The following CTC1 variants were observed in gnomAD, a reference collection of about 807,000 sequenced individuals.
CTC1 encodes the protein CST telomere replication complex component 1.
CTC1 carries 91 observed loss-of-function variants against 136.3 expected under a neutral mutation model. The observed-to-expected ratio is 0.67, with a 90% CI of 0.56 to 0.79. The LOEUF (loss-of-function observed/expected upper bound fraction) is 0.79, where lower values mean the gene tolerates loss of function less well. Ranked by LOEUF, CTC1 falls within the 30% of genes least tolerant of loss-of-function variation. The probability of loss-of-function intolerance (pLI) is 0.00; values close to 1 mark genes in which losing one functional copy is unlikely to be tolerated. For synonymous variants in CTC1, 606 were observed against 613.8 expected, an observed-to-expected ratio of 0.99 and a Z score of 0.19; for missense variants, 1,432 against 1,498.1, an observed-to-expected ratio of 0.96 and a Z score of 0.73.
At position 8,232,147 on chromosome 17, in the gene CTC1, G is replaced by A. The variant is rs547897675; in HGVS notation, c.2141C>T (p.Thr714Ile). The stretch of plus-strand genomic sequence containing the variant: ...TGGGCCGGTGGGATCTGTCTGAGGT[G>A]TTGAGGGTGTTGCTGAATGAAGGCA... ...RPCLHSATPS[T>I]PQTDPTGPEG... The change falls in exon 13 of 23, where the codon ACA (threonine) becomes ATA (isoleucine). Residue 714 changes from threonine to isoleucine, a missense_variant. Coordinates refer to ENST00000651323, the MANE Select transcript of CTC1 (RefSeq NM_025099.6). 3.3e-6 allele frequency: 5 copies of A among 1,524,956 alleles called. No homozygotes were observed. In the African/African-American group the frequency reaches 5.6e-5, roughly 17 times the overall value. 94.5% of individuals were successfully genotyped at this position (1,524,956 alleles called of 1,614,324 possible).
At chr17:8,238,772 T>A in intron 2 of CTC1, 143 bp from the exon 3 acceptor site, 1 of 608,494 alleles carries the variant, frequency 1.6e-6, no homozygotes, top group Non-Finnish European at 2.8e-6. Context: ...ATTAAAGGGG[T>A]AAAACCTGGG....
In CTC1 at chr17:8,238,538, G is replaced by T; in HGVS notation, c.289C>A (p.Gln97Lys). ...GGGTTCCCATTTGGTCCAGCCTCTT[G>T]GGCCCAGGCCTGGTATGCACTACTG... The part of the protein sequence containing the change: ...WSSSAYQAWA[Q>K]EAGPNGNPLP... The change falls in exon 3 of 23, where the codon CAA (glutamine) becomes AAA (lysine). Residue 97 changes from glutamine (Q) to lysine (K), a missense_variant. Gln to Lys is a moderately conservative substitution (Grantham distance 53). Coordinates refer to ENST00000651323, the MANE Select transcript of CTC1 (RefSeq NM_025099.6). The T allele has an allele frequency of 1.9e-6, 3 of 1,614,190 alleles. No individual in the cohort carries two copies. The highest frequency in any genetic ancestry group is 2.5e-6 in the Non-Finnish European group (3 of 1,180,026).
At chr17:8,233,184 G>A in intron 10 of CTC1, 152 bp from the exon 11 acceptor site, 2 of 774,896 alleles carry the variant, frequency 2.6e-6, no homozygotes, top group East Asian at 2.7e-5. Context: ...AAGTGGGGAA[G>A]ACAGACATAA....
chr17:8,229,478 TCAAGATAA>T (rs753894461), intron 18 of CTC1, 32 bp from the exon 19 acceptor site: 11 of 1,599,438 alleles, frequency 6.9e-6, no homozygotes, highest in Non-Finnish European at 7.7e-6. Flanking sequence ...GAGACAGGGG[TCAAGATAA>T]CAGAACAGGC....
chr17:8,245,040 C>T lies in CTC1; in HGVS notation c.34-1892G>A, dbSNP rs140833028. On this transcript the variant is annotated intron_variant, in intron 1 of 22. Coordinates refer to ENST00000651323, the MANE Select transcript of CTC1 (RefSeq NM_025099.6). ...GACCATTATCCTTAGCAAACTAATC[C>T]AAGAACAGAAAACCAAATACTGCAT... Among the ~76,000 whole-genome samples, 328 of 152,232 alleles carry T rather than the reference C, an allele frequency of 2.2e-3. 1 individual carries two copies. The highest frequency in any genetic ancestry group is 7.5e-3 in the African/African-American group (311 of 41,532).
intron 21 of CTC1, 24 bp downstream of exon 21, chr17:8,228,703 C>A: frequency 6.2e-7 from 1 of 1,613,918 alleles, no homozygotes; most frequent in Non-Finnish European, 8.5e-7. Flanking sequence ...GTATCCGAGT[C>A]CCTCCCTCCC....
At chr17:8,233,929 C>T (rs887623576) in intron 10 of CTC1, among the ~76,000 whole-genome samples, 1 of 152,110 alleles carries the variant, frequency 6.6e-6, no homozygotes, top group African/African-American at 2.4e-5. Flanking sequence ...AGAGCAAGAT[C>T]CTGTCTCGAA....
Position 8,243,060 on chromosome 17 carries a change from A to G in CTC1, c.122T>C (p.Leu41Ser). The change falls in exon 2 of 23, where the codon TTG becomes TCG. Residue 41 changes from leucine to serine, a missense_variant. Leu to Ser is a moderately radical substitution (Grantham distance 145, BLOSUM62 -2). Coordinates refer to ENST00000651323, the MANE Select transcript of CTC1 (RefSeq NM_025099.6). Reference protein sequence around the residue: ...VKEPNVQLTPLVIDCVKTVWL... With the variant: ...VKEPNVQLTPSVIDCVKTVWL... ...GACAGTCTTCACACAATCAATTACCAATGGAGTCAACTGGACATTAGGCTC... is the reference window on the plus strand; with the variant it reads ...GACAGTCTTCACACAATCAATTACCGATGGAGTCAACTGGACATTAGGCTC... 1 of 1,613,946 alleles carries G rather than the reference A, an allele frequency of 6.2e-7. No individual in the cohort carries two copies. Among genetic ancestry groups the G allele is most frequent in the South Asian group, 1.1e-5 (1 of 91,034 alleles).
chr17:8,242,149 CCT>C (rs1270718048), intron 2 of CTC1, among the ~76,000 whole-genome samples: 19 of 152,006 alleles, frequency 1.2e-4, no homozygotes, highest in Non-Finnish European at 2.4e-4. Context: ...CCTGCCTCAG[CCT>C]CTGAGTAGCT....
At position 8,228,862 on chromosome 17, in the gene CTC1, G is replaced by A. The variant is rs770791985; in HGVS notation, c.3252C>T (p.Ala1084=). The A allele has an allele frequency of 7.4e-6, 12 of 1,613,738 alleles. No homozygotes were observed. Among genetic ancestry groups the A allele is most frequent in the East Asian group, 4.5e-5 (2 of 44,874 alleles). ...CATGGTGATTCCTACAGGTCACCAC[G>A]GCTTCGGCAGTCCCATCCTCCACCA... ...RLLVEDGTAE[A]VVTCRNHHVA... Residue 1084 remains alanine (A), a synonymous_variant, in exon 21 of 23, where the codon GCC becomes GCT. Coordinates refer to ENST00000651323, the MANE Select transcript of CTC1 (RefSeq NM_025099.6).
rs952574848 is a variant in CTC1 at position 8,228,525 on chromosome 17, T to C, written c.3492A>G (p.Lys1164=). Residue 1164 remains lysine (K), a synonymous_variant, in exon 22 of 23, where the codon AAA becomes AAG. Coordinates refer to ENST00000651323, the MANE Select transcript of CTC1 (RefSeq NM_025099.6). ...PIVLSFELER[K]PSKIVPLEPP... is the part of the protein sequence containing the mutation. ...TACCTAATGGGACGATCTTCGACGGTTTCCTTTCCAGCTCAAAAGAAAGCA... is the reference window on the plus strand; with the variant it reads ...TACCTAATGGGACGATCTTCGACGGCTTCCTTTCCAGCTCAAAAGAAAGCA... 1 of 1,614,066 alleles carries C rather than the reference T, an allele frequency of 6.2e-7. No homozygotes were observed. The highest frequency in any genetic ancestry group is 8.5e-7 in the Non-Finnish European group (1 of 1,179,988).
Position 8,231,784 on chromosome 17 carries a change from C to G in CTC1, c.2417G>C (p.Arg806Pro). 3 of 1,614,156 alleles carry G rather than the reference C, an allele frequency of 1.9e-6. No individual in the cohort carries two copies. The highest frequency in any genetic ancestry group is 2.5e-6 in the Non-Finnish European group (3 of 1,180,018). ...TCCCGGGTGCAAGAACTCAAACCAG[C>G]GGACTGAAGAGCCAAAGAAAATGAG... ...VHLIFFGSSV[R>P]WFEFLHPGQV... The change falls in exon 14 of 23, where the codon CGC (arginine) becomes CCC (proline). Residue 806 changes from arginine (R) to proline (P), a missense_variant. Transcript: ENST00000651323.
rs1184417788 is a variant in CTC1, at chr17:8,231,604, TG to T, written c.2475+121del. The stretch of plus-strand genomic sequence containing the variant: ...GTGTCAACACACACAGGCTTTCTGG[TG>T]TATCTAAATCCAGCCTTCTTCCAGG... On this transcript the variant is annotated intron_variant, in intron 14 of 22. Coordinates refer to ENST00000651323, the MANE Select transcript of CTC1 (RefSeq NM_025099.6). The T allele has an allele frequency of 1.8e-5, 22 of 1,221,836 alleles. No individual in the cohort carries two copies. The Admixed American group carries it at 4.0e-4, about 22-fold the overall frequency. The allele number at this position is 1,221,836 out of a possible 1,614,324, so 75.7% of individuals were successfully genotyped here. A position where few individuals can be genotyped will look rare whatever the true frequency, so the allele number is the denominator to read the frequency against.
intron 11 of CTC1, 177 bp from the exon 12 acceptor site, chr17:8,232,652 G>GA (rs1987345922): frequency 6.0e-6 from 4 of 668,000 alleles, no homozygotes; most frequent in Non-Finnish European, 7.8e-6. Context: ...TCCAAACTAA[G>GA]AATGTAGGAG....
chr17:8,242,533 GAAAAAAAAA>G lies in CTC1; in HGVS notation c.197+443_197+451del, dbSNP rs58895309. Among the ~76,000 whole-genome samples the G allele has an allele frequency of 7.2e-5, 6 of 83,856 alleles. 1 individual carries two copies. The highest frequency in any genetic ancestry group is 5.1e-5 in the African/African-American group (1 of 19,484). The allele number at this position is 83,856 out of a possible 152,430, so 55.0% of individuals were successfully genotyped here. Reference sequence around the variant, plus strand: ...ACTTTTGGAAATGATAGTGTAGAGAGAAAAAAAAAAAAAAAAAAAAATATATATATATAT... The same window carrying G: ...ACTTTTGGAAATGATAGTGTAGAGAGAAAAAAAAAAAATATATATATATAT... On this transcript the variant is annotated intron_variant, in intron 2 of 22. Coordinates refer to ENST00000651323, the MANE Select transcript of CTC1 (RefSeq NM_025099.6).
At chr17:8,231,254 G>A in intron 15 of CTC1, 22 bp downstream of exon 15, 1 of 1,493,032 alleles carries the variant, frequency 6.7e-7, no homozygotes, top group Non-Finnish European at 9.0e-7. Flanking sequence ...AAATTAACCA[G>A]AGGGGCTTGG....
Position 8,247,145 on chromosome 17 carries a change from A to G in CTC1, c.33+859T>C, listed in dbSNP as rs80013471. Among the ~76,000 whole-genome samples, 14 of 150,084 alleles carry G rather than the reference A, an allele frequency of 9.3e-5. No individual in the cohort carries two copies. In the East Asian group the frequency reaches 2.9e-3, roughly 31 times the overall value. On this transcript the variant is annotated intron_variant, in intron 1 of 22. Transcript: ENST00000651323. ...TTACCGGCGTGTGCCACCACACCCA[A>G]TTACCCTCATGTTAAAGTCGCTGCT... is the stretch of plus-strand genomic sequence containing the variant.
intron 1 of CTC1, among the ~76,000 whole-genome samples, chr17:8,246,918 A>G (rs1988769319): frequency 6.6e-6 from 1 of 151,652 alleles, no homozygotes; most frequent in Non-Finnish European, 1.5e-5. Flanking sequence ...ACACACACAC[A>G]CACACACGCA....
intron 1 of CTC1, among the ~76,000 whole-genome samples, chr17:8,244,260 T>A (rs1170006008): frequency 1.3e-5 from 2 of 152,216 alleles, no homozygotes; most frequent in Non-Finnish European, 2.9e-5. Flanking sequence ...TTTCCTGTTG[T>A]CTTTTCAGCT....
Sources: gnomAD v4.1 joint callset for allele counts (sites outside exome capture counted in the v4.1 genomes callset) on GRCh38, gnomAD v4.1.1 for gene constraint, MANE v1.5 for transcripts, NCBI Gene and HGNC (gene_info 2026-07-23, HGNC 2026-07-21) for gene names.